TRAPPC2L: variants seen among roughly 807,000 people sequenced by gnomAD.
The protein encoded by TRAPPC2L is trafficking protein particle complex subunit 2-like protein.
A neutral mutation model predicts 13.2 loss-of-function variants in TRAPPC2L; 17 were observed. The ratio of observed to expected loss-of-function variants is 1.29; its 90% CI spans 0.88 to 1.93. The LOEUF (loss-of-function observed/expected upper bound fraction) is 1.93, where lower values mean the gene tolerates loss of function less well. Ranked by LOEUF, TRAPPC2L falls within the 30% of genes most tolerant of loss-of-function variation. TRAPPC2L has a pLI of 0.00. For synonymous variants in TRAPPC2L, 150 were observed against 98.1 expected, an observed-to-expected ratio of 1.53 and a Z score of -3.12; for missense variants, 359 against 252.1, an observed-to-expected ratio of 1.42 and a Z score of -2.87.
At chr16:88,856,913 G>A (rs1290419933), upstream of TRAPPC2L, 2 of 1,495,984 alleles carry the variant, frequency 1.3e-6, no homozygotes, top group African/African-American at 1.5e-5. Context: ...CGGCCAGCGA[G>A]CCGACCTAGC....
chr16:88,859,022 G>A (rs1184945413), intron 2 of TRAPPC2L: 2 of 558,784 alleles, frequency 3.6e-6, no homozygotes, highest in South Asian at 2.1e-5. Context: ...GTTTGCACGT[G>A]TCCGTTGTCT....
At chr16:88,862,256 C>T (rs1968437725) in exon 4 of TRAPPC2L, 1 of 152,608 alleles carries the variant, frequency 6.6e-6, no homozygotes, top group Non-Finnish European at 1.5e-5. Flanking sequence ...TCTCTTTCCT[C>T]CGTACTAACA....
chr16:88,858,950 T>G lies in TRAPPC2L; in HGVS notation c.206+159T>G, dbSNP rs143119043. Reference sequence around the variant, plus strand: ...GAGGTGAATGAAGGCCTGTAACTCTTCTCTTTCATTGGAAGAGCCATTTGG... The same window carrying G: ...GAGGTGAATGAAGGCCTGTAACTCTGCTCTTTCATTGGAAGAGCCATTTGG... On this transcript the variant is annotated intron_variant, in intron 2 of 3. Coordinates refer to ENST00000565504, the Ensembl canonical transcript of TRAPPC2L. The G allele has an allele frequency of 7.2e-4, 518 of 717,254 alleles. 1 individual carries two copies. Among genetic ancestry groups the G allele is most frequent in the Non-Finnish European group, 1.0e-3 (453 of 447,206 alleles). 44.4% of individuals were successfully genotyped at this position (717,254 alleles called of 1,614,324 possible).
intron 3 of TRAPPC2L, 35 bp downstream of exon 3, chr16:88,859,785 G>C (rs1252723086): frequency 6.9e-6 from 11 of 1,595,556 alleles, no homozygotes; most frequent in Non-Finnish European, 9.4e-6. Flanking sequence ...CGCCCGAGTG[G>C]GTGTTTTGTT....
chr16:88,861,540 C>A, exon 4 of TRAPPC2L: 1 of 422,008 alleles, frequency 2.4e-6, no homozygotes, highest in Non-Finnish European at 5.0e-6. Flanking sequence ...GGCGTTGGCT[C>A]AGCTGCAGCC....
chr16:88,857,029 G>C (rs1967962083), upstream of TRAPPC2L: 1 of 1,414,590 alleles, frequency 7.1e-7, no homozygotes, highest in Non-Finnish European at 9.2e-7. Context: ...GCGGGGCCTG[G>C]ACTGCCTCGT....
At chr16:88,857,164 T>C (rs1967977788) in exon 1 of TRAPPC2L, 1 of 1,582,504 alleles carries the variant, frequency 6.3e-7, no homozygotes, top group Admixed American at 1.7e-5. Context: ...GCGGTGTGCA[T>C]CGCGGTGATT....
In TRAPPC2L at chr16:88,858,676, A is replaced by C. The variant is rs1192945813; in HGVS notation, c.91A>C (p.Met31Leu). Residue 31 changes from methionine to leucine, a missense_variant, in exon 2 of 4, where the codon ATG becomes CTG. Met to Leu is a conservative substitution (Grantham distance 15, BLOSUM62 2). Coordinates refer to ENST00000565504, the Ensembl canonical transcript of TRAPPC2L. Reference sequence around the variant, plus strand: ...GGAGAACGAGCTGAAGTTCCACTACATGGTGCACACATCTCTGGACGTGGT... The same window carrying C: ...GGAGAACGAGCTGAAGTTCCACTACCTGGTGCACACATCTCTGGACGTGGT... 3 of 1,613,406 alleles carry C rather than the reference A, an allele frequency of 1.9e-6. No homozygotes were observed. In the African/African-American group the frequency reaches 4.0e-5, roughly 22 times the overall value.
chr16:88,858,479 T>A, intron 1 of TRAPPC2L, 140 bp from the exon 2 acceptor site: 1 of 837,362 alleles, frequency 1.2e-6, no homozygotes, highest in Admixed American at 2.4e-5. Context: ...CACTGCGGCA[T>A]AGAGAATGAA....
Sources: allele counts gnomAD v4.1 joint callset, GRCh38; gene constraint gnomAD v4.1.1; transcripts MANE v1.5; gene names NCBI Gene and HGNC (gene_info 2026-07-23, HGNC 2026-07-21).